Variants in SLC26A3 observed in about 807,000 individuals in gnomAD.
SLC26A3 encodes chloride anion exchanger.
SLC26A3 carries 64 observed loss-of-function variants against 85.6 expected under a neutral mutation model. The observed-to-expected ratio is 0.75, with a 90% CI of 0.61 to 0.92. The LOEUF is 0.92. SLC26A3 is among the 40% of genes least tolerant of loss of function. SLC26A3 has a pLI of 0.00. For missense variants in SLC26A3, 922 were observed against 927.3 expected, an observed-to-expected ratio of 0.99 and a Z score of 0.07; for synonymous variants, 349 against 336.0, an observed-to-expected ratio of 1.04 and a Z score of -0.42.
At chr7:107,781,493 A>C (rs966830460) in intron 11 of SLC26A3, among the ~76,000 whole-genome samples, 7 of 152,084 alleles carry the variant, frequency 4.6e-5, no homozygotes, top group Non-Finnish European at 7.4e-5. Context: ...GCTAGGTAGA[A>C]CTCAAGTTTA....
chr7:107,776,399 C>T, intron 15 of SLC26A3, 53 bp downstream of exon 15: 1 of 1,361,446 alleles, frequency 7.3e-7, no homozygotes, highest in Non-Finnish European at 1.0e-6. Flanking sequence ...CAATGACATT[C>T]CCAGAATTCA....
chr7:107,768,052 A>C, intron 18 of SLC26A3, 144 bp from the exon 19 acceptor site: 2 of 714,508 alleles, frequency 2.8e-6, no homozygotes, highest in Non-Finnish European at 4.9e-6. Flanking sequence ...CAGTGGTATA[A>C]TACCAGTCTA....
At position 107,787,403 on chromosome 7, in the gene SLC26A3, C is replaced by G. The variant is rs764340501; in HGVS notation, c.842G>C (p.Arg281Pro). Residue 281 changes from arginine to proline, a missense_variant, in exon 7 of 21, where the codon CGC (arginine) becomes CCC (proline). By Grantham distance (103) the Arg-to-Pro change is moderately radical. Coordinates refer to ENST00000340010, the MANE Select transcript of SLC26A3 (RefSeq NM_000111.3). ...GGGCACTGGAAGTTTGTCTTTGAAG[C>G]GCTGATTTATTTCTTTAACAATGGA... ...VVSIVKEINQRFKDKLPVPIP... is the reference protein window; with the variant it reads ...VVSIVKEINQPFKDKLPVPIP... 1 of 1,613,858 alleles carries G rather than the reference C, an allele frequency of 6.2e-7. No individual in the cohort carries two copies. Among genetic ancestry groups the G allele is most frequent in the Non-Finnish European group, 8.5e-7 (1 of 1,179,978 alleles).
intron 18 of SLC26A3, among the ~76,000 whole-genome samples, chr7:107,771,342 G>C (rs1307459542): frequency 6.6e-6 from 1 of 152,162 alleles, no homozygotes. Context: ...AAAGGCCTGG[G>C]CTGGAGGTAT....
At chr7:107,782,686 G>C in intron 11 of SLC26A3, 111 bp downstream of exon 11, 1 of 1,002,780 alleles carries the variant, frequency 1.0e-6, no homozygotes. Flanking sequence ...GAGTACTTGA[G>C]AGTTTGTCAT....
chr7:107,781,285 T>G (rs906492589), intron 11 of SLC26A3, among the ~76,000 whole-genome samples: 1 of 152,166 alleles, frequency 6.6e-6, no homozygotes, highest in Non-Finnish European at 1.5e-5. Flanking sequence ...AAATACCTAT[T>G]ATGAGCTTTT....
At position 107,791,916 on chromosome 7, in the gene SLC26A3, T is replaced by G; in HGVS notation, c.296A>C (p.Asp99Ala). ...ATACAACCCATAGACTGGGGGAATG[T>G]CGACCAGCAGAGCAAATGCTAAACC... is the stretch of plus-strand genomic sequence containing the variant. ...LQGLAFALLV[D>A]IPPVYGLYAS... Residue 99 changes from aspartate to alanine, a missense_variant, in exon 4 of 21, where the codon GAC becomes GCC. Transcript: ENST00000340010. 1 of 1,613,312 alleles carries G rather than the reference T, an allele frequency of 6.2e-7. No homozygotes were observed. The highest frequency in any genetic ancestry group is 1.3e-5 in the African/African-American group (1 of 75,040).
At chr7:107,765,919 A>C in intron 20 of SLC26A3, 41 bp from the exon 21 acceptor site, 1 of 1,574,174 alleles carries the variant, frequency 6.4e-7, no homozygotes, top group Non-Finnish European at 8.7e-7. Flanking sequence ...AATACTCGTC[A>C]AGTTCTGTTA....
intron 20 of SLC26A3, 52 bp downstream of exon 20, chr7:107,767,527 T>G (rs555794793): frequency 9.0e-6 from 12 of 1,326,160 alleles, no homozygotes; most frequent in Non-Finnish European, 1.2e-5. Context: ...ACTTTGAAGG[T>G]TTTTTTTTGC....
At position 107,786,851 on chromosome 7, in the gene SLC26A3, G is replaced by A. The variant is rs368292176; in HGVS notation, c.947C>T (p.Ala316Val). 6.2e-7 allele frequency: 1 copy of A among 1,613,978 alleles called. No homozygotes were observed. Among genetic ancestry groups the A allele is most frequent in the Admixed American group, 1.7e-5 (1 of 60,002 alleles). The change falls in exon 8 of 21, where the codon GCT becomes GTT. Residue 316 changes from alanine (A) to valine (V), a missense_variant. Coordinates refer to ENST00000340010, the MANE Select transcript of SLC26A3 (RefSeq NM_000111.3). ...CCCAGGATTCATGTCCCCAACCACA[G>A]CCACTTTAAACCTGTTTTTAAAGTC... The part of the protein sequence containing the change: ...GCDFKNRFKV[A>V]VVGDMNPGFQ...
chr7:107,787,665 A>G, intron 6 of SLC26A3, 156 bp from the exon 7 acceptor site: 1 of 669,672 alleles, frequency 1.5e-6, no homozygotes, highest in Non-Finnish European at 2.5e-6. Context: ...TGTGAATGTG[A>G]AATTGTAGAG....
intron 15 of SLC26A3, among the ~76,000 whole-genome samples, chr7:107,775,644 A>G (rs1012642061): frequency 6.6e-6 from 1 of 151,028 alleles, no homozygotes; most frequent in Admixed American, 6.6e-5. Context: ...AGGTAGGGGG[A>G]TTGCTCAAAC....
chr7:107,795,552 A>C (rs983771003), intron 1 of SLC26A3, among the ~76,000 whole-genome samples: 1 of 152,162 alleles, frequency 6.6e-6, no homozygotes, highest in Non-Finnish European at 1.5e-5. Flanking sequence ...AAATAATCAC[A>C]CACACTCCAA....
In SLC26A3 at chr7:107,774,814, C is replaced by T. The variant is rs201969535; in HGVS notation, c.1736G>A (p.Arg579Gln). 4.1e-5 allele frequency: 66 copies of T among 1,613,988 alleles called. 1 individual carries two copies. The highest frequency in any genetic ancestry group is 1.5e-4 in the South Asian group (14 of 91,074). The part of the protein sequence containing the change: ...RKRNKALRKI[R>Q]KLQKQGLLQV... ...TAGCAAGCCTTGCTTCTGCAGTTTT[C>T]GGATTTTCCTCAAAGCTTTGTTGCG... is the stretch of plus-strand genomic sequence containing the variant. The change falls in exon 16 of 21, where the codon CGA (arginine) becomes CAA (glutamine). Residue 579 changes from arginine to glutamine, a missense_variant. By Grantham distance (43) the Arg-to-Gln change is conservative (BLOSUM62 1). Transcript: ENST00000340010.
At chr7:107,783,920 T>C (rs1057378508) in intron 8 of SLC26A3, among the ~76,000 whole-genome samples, 3 of 152,228 alleles carry the variant, frequency 2.0e-5, no homozygotes, top group Admixed American at 6.5e-5. Flanking sequence ...TAAGGTGATA[T>C]ATGTCAGAGA....
intron 13 of SLC26A3, 137 bp downstream of exon 13, chr7:107,778,038 A>G: frequency 1.4e-6 from 1 of 711,574 alleles, no homozygotes; most frequent in African/African-American, 1.7e-5. Context: ...AACTGGAGGG[A>G]GGATAAACTG....
intron 3 of SLC26A3, among the ~76,000 whole-genome samples, chr7:107,793,189 A>G (rs903101164): frequency 7.9e-5 from 12 of 152,226 alleles, no homozygotes; most frequent in African/African-American, 2.9e-4. Flanking sequence ...AGTTCCACAA[A>G]TGATTAAATA....
rs760771529 is a variant in SLC26A3 at position 107,774,763 on chromosome 7, G to A, written c.1773+14C>T. The A allele has an allele frequency of 1.3e-6, 2 of 1,592,256 alleles. No homozygotes were observed. The highest frequency in any genetic ancestry group is 1.1e-5 in the South Asian group (1 of 90,604). On this transcript the variant is annotated intron_variant, in intron 16 of 20. Transcript: ENST00000340010. ...TTTAGCTATAATGCATAGAAATGTGGTCAAGGAACTTACTGGTGTCACTTG... is the reference window on the plus strand; with the variant it reads ...TTTAGCTATAATGCATAGAAATGTGATCAAGGAACTTACTGGTGTCACTTG...
At chr7:107,786,799 G>A in intron 8 of SLC26A3, 28 bp downstream of exon 8, 1 of 1,576,008 alleles carries the variant, frequency 6.3e-7, no homozygotes, top group South Asian at 1.1e-5. Context: ...TTAGTGCATG[G>A]TGATGCCATC....
Sources: gnomAD v4.1 joint callset for allele counts (sites outside exome capture counted in the v4.1 genomes callset) on GRCh38, gnomAD v4.1.1 for gene constraint, MANE v1.5 for transcripts, NCBI Gene and HGNC (gene_info 2026-07-23, HGNC 2026-07-21) for gene names.